CHTOP: variants seen among roughly 807,000 people sequenced by gnomAD.
CHTOP encodes the protein chromatin target of PRMT1 protein.
Under a neutral mutation model 33.6 loss-of-function variants are expected in CHTOP, and 18 were observed. The ratio of observed to expected loss-of-function variants is 0.54; its 90% CI spans 0.37 to 0.80. The LOEUF is 0.80. CHTOP is among the 30% of genes least tolerant of loss of function. The pLI, the probability that CHTOP is intolerant of heterozygous loss-of-function variation, is 0.00. For synonymous variants in CHTOP, 117 were observed against 127.7 expected, an observed-to-expected ratio of 0.92 and a Z score of 0.56; for missense variants, 263 against 336.8, an observed-to-expected ratio of 0.78 and a Z score of 1.71.
intron 5 of CHTOP, 80 bp downstream of exon 5, chr1:153,643,444 C>A: frequency 7.3e-7 from 1 of 1,362,212 alleles, no homozygotes; most frequent in Non-Finnish European, 9.7e-7. Flanking sequence ...TTCTGCACAG[C>A]TTCAAGTCAT....
At chr1:153,644,713 A>G (rs1440470206) in intron 5 of CHTOP, among the ~76,000 whole-genome samples, 8 of 152,184 alleles carry the variant, frequency 5.3e-5, no homozygotes, top group African/African-American at 1.7e-4. Context: ...GTTATCTGTC[A>G]TGTATTTTAA....
At chr1:153,636,904 A>G in intron 2 of CHTOP, 1 of 432,086 alleles carries the variant, frequency 2.3e-6, no homozygotes, top group East Asian at 3.7e-5. Flanking sequence ...GACTCCTAAC[A>G]CTCTTCCTTT....
At chr1:153,644,921 C>T in intron 5 of CHTOP, 143 bp from the exon 6 acceptor site, 3 of 667,126 alleles carry the variant, frequency 4.5e-6, no homozygotes, top group Admixed American at 3.0e-5. Context: ...CATTGTGTTT[C>T]CTTTTTTTCC....
chr1:153,639,102 C>T (rs553448835), intron 3 of CHTOP, among the ~76,000 whole-genome samples: 1 of 152,198 alleles, frequency 6.6e-6, no homozygotes, highest in South Asian at 2.1e-4. Flanking sequence ...AGGATGGTCT[C>T]GATCTCCTGA....
At chr1:153,640,974 G>T (rs1005432769) in intron 3 of CHTOP, among the ~76,000 whole-genome samples, 1 of 152,206 alleles carries the variant, frequency 6.6e-6, no homozygotes, top group African/African-American at 2.4e-5. Context: ...AAGCTTGGGA[G>T]AATTAATATA....
At chr1:153,641,324 G>T (rs1458314725) in intron 3 of CHTOP, among the ~76,000 whole-genome samples, 1 of 152,226 alleles carries the variant, frequency 6.6e-6, no homozygotes, top group Non-Finnish European at 1.5e-5. Flanking sequence ...GCTTGGTTGT[G>T]TTCAGGGCTA....
intron 2 of CHTOP, 110 bp from the exon 3 acceptor site, chr1:153,638,185 A>T: frequency 9.3e-7 from 1 of 1,073,176 alleles, no homozygotes; most frequent in Non-Finnish European, 1.4e-6. Context: ...GTACCACTTT[A>T]CTTAAAAGTT....
At chr1:153,636,344 G>A (rs1208010953) in intron 1 of CHTOP, among the ~76,000 whole-genome samples, 2 of 149,160 alleles carry the variant, frequency 1.3e-5, no homozygotes, top group African/African-American at 4.9e-5. Context: ...ATCCTTTGAG[G>A]CCAGGAGATT....
At chr1:153,636,450 C>A in intron 1 of CHTOP, 122 bp from the exon 2 acceptor site, 1 of 629,026 alleles carries the variant, frequency 1.6e-6, no homozygotes, top group Non-Finnish European at 2.7e-6. Flanking sequence ...TGAAATGTGC[C>A]CTCGTGTGCT....
chr1:153,643,219 T>C lies in CHTOP; in HGVS notation c.404-8T>C. 2 of 1,614,100 alleles carry C rather than the reference T, an allele frequency of 1.2e-6. No homozygotes were observed. The highest frequency in any genetic ancestry group is 1.7e-6 in the Non-Finnish European group (2 of 1,179,974). On this transcript the variant is annotated splice_region_variant and splice_polypyrimidine_tract_variant and intron_variant, in intron 4 of 5. Transcript: ENST00000368694. Reference sequence around the variant, plus strand: ...ACCTGCATATACATTGTATGCCTCCTCTCTAAGGTCAAAACCTGCTCCGAG... The same window carrying C: ...ACCTGCATATACATTGTATGCCTCCCCTCTAAGGTCAAAACCTGCTCCGAG...
rs190055040 is a variant in CHTOP at position 153,638,049 on chromosome 1, G to A, written c.66-246G>A. 18 of 483,150 alleles carry A rather than the reference G, an allele frequency of 3.7e-5. No homozygotes were observed. The East Asian group carries it at 4.6e-4, about 12-fold the overall frequency. The allele number at this position is 483,150 out of a possible 1,614,324, so 29.9% of individuals were successfully genotyped here. A position where few individuals can be genotyped will look rare whatever the true frequency, so the allele number is the denominator to read the frequency against. Reference sequence around the variant, plus strand: ...CATACCTTCCACCTCTCTAAAAGCCGTTACCTGAGCCCTCGTTATCACTTT... The same window carrying A: ...CATACCTTCCACCTCTCTAAAAGCCATTACCTGAGCCCTCGTTATCACTTT... On this transcript the variant is annotated intron_variant, in intron 2 of 5. Transcript: ENST00000368694.
At chr1:153,636,409 CA>C (rs35357072) in intron 1 of CHTOP, among the ~76,000 whole-genome samples, 162 bp from the exon 2 acceptor site, 148 of 122,676 alleles carry the variant, frequency 1.2e-3, no homozygotes, top group East Asian at 1.8e-3. Flanking sequence ...GACCCTGTCT[CA>C]AAAAAAAAAA....
chr1:153,638,711 C>T (rs563942975), intron 3 of CHTOP, among the ~76,000 whole-genome samples: 1 of 152,266 alleles, frequency 6.6e-6, no homozygotes, highest in Admixed American at 6.5e-5. Context: ...GTTTTCTGAT[C>T]CTTAACCCTT....
intron 2 of CHTOP, 155 bp from the exon 3 acceptor site, chr1:153,638,139 GA>G: frequency 1.5e-6 from 1 of 675,916 alleles, no homozygotes. Flanking sequence ...TGTGGAAACA[GA>G]GGAGTCTTTA....
At chr1:153,643,088 C>A in intron 4 of CHTOP, 139 bp from the exon 5 acceptor site, 1 of 924,944 alleles carries the variant, frequency 1.1e-6, no homozygotes, top group Non-Finnish European at 1.8e-6. Flanking sequence ...TTAATCTGTT[C>A]ACAGTATGCA....
At chr1:153,640,913 A>G (rs939513659) in intron 3 of CHTOP, among the ~76,000 whole-genome samples, 2 of 152,182 alleles carry the variant, frequency 1.3e-5, no homozygotes, top group Non-Finnish European at 2.9e-5. Context: ...GCACTTAAGG[A>G]TTGGAATGGG....
chr1:153,645,030 GTC>G (rs1668757520), intron 5 of CHTOP, 32 bp from the exon 6 acceptor site: 1 of 1,491,136 alleles, frequency 6.7e-7, no homozygotes, highest in Non-Finnish European at 9.2e-7. Context: ...ACTTGTAACT[GTC>G]TCTTTTTTTT....
rs920394971 is a variant in CHTOP, at chr1:153,645,379, T to C, written c.*110T>C. On this transcript the variant is annotated 3_prime_UTR_variant, in exon 6 of 6. Coordinates refer to ENST00000368694, the MANE Select transcript of CHTOP (RefSeq NM_015607.4). ...TTGATGCTGGATGGACCTATCACAA[T>C]AGGCTGTGGACTTACTTGCCACCAG... The C allele has an allele frequency of 3.8e-6, 4 of 1,061,470 alleles. No individual in the cohort carries two copies. The highest frequency in any genetic ancestry group is 1.6e-5 in the African/African-American group (1 of 63,468). The allele number at this position is 1,061,470 out of a possible 1,614,324, so 65.8% of individuals were successfully genotyped here.
chr1:153,643,477 T>A, intron 5 of CHTOP, 113 bp downstream of exon 5: 1 of 1,140,226 alleles, frequency 8.8e-7, no homozygotes, highest in Non-Finnish European at 1.2e-6. Context: ...TTGTTTGTCT[T>A]GTTTTGTTAT....
Sources: gnomAD v4.1 joint callset for allele counts (sites outside exome capture counted in the v4.1 genomes callset) on GRCh38, gnomAD v4.1.1 for gene constraint, MANE v1.5 for transcripts, NCBI Gene and HGNC (gene_info 2026-07-23, HGNC 2026-07-21) for gene names.